PPM1H: variants seen among roughly 807,000 people sequenced by gnomAD.
The protein encoded by PPM1H is protein phosphatase, Mg2+/Mn2+ dependent 1H, also known as protein phosphatase 1H.
Under a neutral mutation model 54.9 loss-of-function variants are expected in PPM1H, and 27 were observed. That is an observed-to-expected ratio of 0.49 (90% CI 0.36 to 0.68). The LOEUF (loss-of-function observed/expected upper bound fraction) is 0.68, where lower values mean the gene tolerates loss of function less well. PPM1H is among the 30% of genes least tolerant of loss of function. PPM1H has a pLI of 0.00. For synonymous variants in PPM1H, 305 were observed against 270.8 expected (o/e 1.13, Z -1.24); for missense variants, 596 against 667.8 (o/e 0.89, Z 1.19).
chr12:62,823,945 T>C (rs536303030), intron 2 of PPM1H, among the ~76,000 whole-genome samples: 4 of 152,066 alleles, frequency 2.6e-5, no homozygotes, highest in African/African-American at 9.6e-5. Flanking sequence ...GATTAGGAAA[T>C]GAGGAAGTCA....
At chr12:62,670,380 T>C (rs1366943878) in intron 8 of PPM1H, among the ~76,000 whole-genome samples, 2 of 152,238 alleles carry the variant, frequency 1.3e-5, no homozygotes, top group African/African-American at 4.8e-5. Context: ...GAGATGTGGA[T>C]GTCTCAATCT....
At chr12:62,801,740 C>T in intron 3 of PPM1H, 76 bp downstream of exon 3, 1 of 1,487,848 alleles carries the variant, frequency 6.7e-7, no homozygotes, top group South Asian at 1.2e-5. Flanking sequence ...TTTCTGGGAG[C>T]CCTCCAGGAA....
chr12:62,885,302 T>A (rs112739130), intron 1 of PPM1H, among the ~76,000 whole-genome samples: 226 of 152,230 alleles, frequency 1.5e-3, no homozygotes, highest in Middle Eastern at 3.4e-3. Context: ...TGGCTATTGG[T>A]CTCAGCTCCT....
In PPM1H at chr12:62,720,272, G is replaced by C; in HGVS notation, c.972C>G (p.His324Gln). 6.2e-7 allele frequency: 1 copy of C among 1,612,786 alleles called. No individual in the cohort carries two copies. Among genetic ancestry groups the C allele is most frequent in the South Asian group, 1.1e-5 (1 of 91,050 alleles). ...RLQYLAFMQP[H>Q]LLGNEFTHLE... is the part of the protein sequence containing the mutation. ...AATGTGTGAACTCATTTCCCAGCAA[G>C]TGAGGCTGCATGAATGCCTAATAGC... Residue 324 changes from histidine to glutamine, a missense_variant, in exon 6 of 10, where the codon CAC (histidine) becomes CAG (glutamine). Coordinates refer to ENST00000228705, the MANE Select transcript of PPM1H (RefSeq NM_020700.2).
intron 5 of PPM1H, among the ~76,000 whole-genome samples, chr12:62,731,692 T>A (rs2076321777): frequency 6.6e-6 from 1 of 152,196 alleles, no homozygotes; most frequent in Non-Finnish European, 1.5e-5. Flanking sequence ...TTGCCCTTGA[T>A]GAAAAACAGC....
At chr12:62,910,918 T>C (rs1298710218) in intron 1 of PPM1H, among the ~76,000 whole-genome samples, 1 of 152,082 alleles carries the variant, frequency 6.6e-6, no homozygotes, top group Non-Finnish European at 1.5e-5. Flanking sequence ...TAATGGAAGG[T>C]TTAAATAAAG....
intron 1 of PPM1H, among the ~76,000 whole-genome samples, chr12:62,876,430 T>C: frequency 6.6e-6 from 1 of 152,224 alleles, no homozygotes; most frequent in East Asian, 1.9e-4. Context: ...GGCCATTTGT[T>C]AATGATGCAT....
chr12:62,852,859 G>A (rs1869247675), intron 1 of PPM1H, among the ~76,000 whole-genome samples: 1 of 152,230 alleles, frequency 6.6e-6, no homozygotes, highest in African/African-American at 2.4e-5. Flanking sequence ...GACGCAACTT[G>A]AAATGCACAG....
At chr12:62,761,596 A>C (rs1420689663) in intron 4 of PPM1H, among the ~76,000 whole-genome samples, 5 of 152,174 alleles carry the variant, frequency 3.3e-5, no homozygotes, top group African/African-American at 1.2e-4. Context: ...AGGTGGAGAT[A>C]GGCCTGTTTA....
intron 9 of PPM1H, among the ~76,000 whole-genome samples, chr12:62,662,386 T>G (rs957456692): frequency 2.0e-5 from 3 of 152,202 alleles, no homozygotes; most frequent in African/African-American, 7.2e-5. Flanking sequence ...TTAATTATAG[T>G]GCCATCAATT....
intron 6 of PPM1H, among the ~76,000 whole-genome samples, chr12:62,717,756 A>G (rs993330014): frequency 6.6e-6 from 1 of 152,206 alleles, no homozygotes; most frequent in Admixed American, 6.5e-5. Flanking sequence ...CACACATTCT[A>G]CTTACAAAGA....
At chr12:62,733,024 T>A (rs1476737917) in intron 5 of PPM1H, among the ~76,000 whole-genome samples, 2 of 152,226 alleles carry the variant, frequency 1.3e-5, no homozygotes, top group Non-Finnish European at 2.9e-5. Context: ...CTTAAAATTA[T>A]AACACAGTAT....
At chr12:62,902,823 G>A (rs1333048652) in intron 1 of PPM1H, among the ~76,000 whole-genome samples, 2 of 152,204 alleles carry the variant, frequency 1.3e-5, no homozygotes, top group Non-Finnish European at 2.9e-5. Flanking sequence ...GAAAGATAGT[G>A]GAAATAGTTG....
rs1162966258 is a variant in PPM1H at position 62,804,666 on chromosome 12, C to CTT, written c.412-2508_412-2507dup. ...TTTAATGCTTCATTTTGGTTAATTT[C>CTT]TTTTTTTTTCTTTTTTTTTTTTTTT... On this transcript the variant is annotated intron_variant, in intron 2 of 9. Coordinates refer to ENST00000228705, the MANE Select transcript of PPM1H (RefSeq NM_020700.2). Among the ~76,000 whole-genome samples the CTT allele has an allele frequency of 4.7e-3, 629 of 134,208 alleles. 42 individuals are homozygous for CTT. The highest frequency in any genetic ancestry group is 0.015 in the African/African-American group (519 of 34,004). 88.0% of individuals were successfully genotyped at this position (134,208 alleles called of 152,430 possible). A position where few individuals can be genotyped will look rare whatever the true frequency, so the allele number is the denominator to read the frequency against.
At chr12:62,825,311 G>A (rs896951203) in intron 2 of PPM1H, among the ~76,000 whole-genome samples, 11 of 152,182 alleles carry the variant, frequency 7.2e-5, no homozygotes, top group African/African-American at 2.4e-4. Flanking sequence ...CAACCATTGT[G>A]GAAGACAGTG....
intron 1 of PPM1H, among the ~76,000 whole-genome samples, chr12:62,909,114 T>C (rs571483408): frequency 6.6e-6 from 1 of 152,290 alleles, no homozygotes; most frequent in Non-Finnish European, 1.5e-5. Context: ...GACTCCTCTT[T>C]TTCTCACTCA....
intron 1 of PPM1H, among the ~76,000 whole-genome samples, chr12:62,847,386 A>G (rs897797986): frequency 1.3e-5 from 2 of 152,182 alleles, no homozygotes; most frequent in Non-Finnish European, 2.9e-5. Context: ...CCCTCACTAT[A>G]CTATCATTAT....
chr12:62,877,812 C>A (rs1184765252), intron 1 of PPM1H, among the ~76,000 whole-genome samples: 2 of 152,184 alleles, frequency 1.3e-5, no homozygotes, highest in African/African-American at 4.8e-5. Context: ...ACATTCAACT[C>A]CCAGTCAATG....
intron 5 of PPM1H, among the ~76,000 whole-genome samples, chr12:62,730,447 G>A (rs2076315112): frequency 6.6e-6 from 1 of 152,152 alleles, no homozygotes; most frequent in Non-Finnish European, 1.5e-5. Flanking sequence ...CTCATCAGCA[G>A]AATGTGGAAA....
Sources: gnomAD v4.1 joint callset for allele counts (sites outside exome capture counted in the v4.1 genomes callset) on GRCh38, gnomAD v4.1.1 for gene constraint, MANE v1.5 for transcripts, NCBI Gene and HGNC (gene_info 2026-07-23, HGNC 2026-07-21) for gene names.